EPHA6: variants seen among roughly 807,000 people sequenced by gnomAD.
EPHA6 encodes the protein EPH receptor A6, also known as ephrin type-A receptor 6.
A neutral mutation model predicts 112.0 loss-of-function variants in EPHA6; 50 were observed. That is an observed-to-expected ratio of 0.45 (90% CI 0.36 to 0.56). The LOEUF is 0.56. Among genes scored for constraint, EPHA6 ranks in the 20% least tolerant of loss-of-function variants. EPHA6 has a pLI of 0.00. For synonymous variants in EPHA6, 529 were observed against 490.7 expected, an observed-to-expected ratio of 1.08 and a Z score of -1.03; for missense variants, 1,280 against 1,417.4, an observed-to-expected ratio of 0.90 and a Z score of 1.56.
chr3:97,603,473 A>T lies in EPHA6; in HGVS notation c.2513-7320A>T, dbSNP rs532140249. Among the ~76,000 whole-genome samples the T allele has an allele frequency of 3.9e-5, 6 of 152,076 alleles. No homozygotes were observed. The East Asian group carries it at 7.7e-4, about 20-fold the overall frequency. ...GAAAGTATTTTTTCAGCATTTTTCC[A>T]AGGGTATTTGGCTTACCACTAAATT... On this transcript the variant is annotated intron_variant, in intron 12 of 17. Transcript: ENST00000389672.
chr3:97,678,877 A>G (rs1283894241), intron 14 of EPHA6, among the ~76,000 whole-genome samples: 1 of 152,178 alleles, frequency 6.6e-6, no homozygotes, highest in Non-Finnish European at 1.5e-5. Context: ...TTCTAGATAT[A>G]TGTCTTACAA....
At position 97,696,650 on chromosome 3, in the gene EPHA6, T is replaced by C. The variant is rs576597869; in HGVS notation, c.2785-23611T>C. 3.3e-5 allele frequency among the ~76,000 whole-genome samples: 5 copies of C among 152,300 alleles called. No individual in the cohort carries two copies. The South Asian group carries it at 8.3e-4, about 25-fold the overall frequency. On this transcript the variant is annotated intron_variant, in intron 14 of 17. Coordinates refer to ENST00000389672, the MANE Select transcript of EPHA6 (RefSeq NM_001080448.3). ...TCTTCTGGCACAGAAGAATGTATTC[T>C]TCTAGCAAAAACACAGCTAGATCCT...
intron 8 of EPHA6, 53 bp from the exon 9 acceptor site, chr3:97,479,241 T>C (rs1314165002): frequency 8.8e-7 from 1 of 1,139,184 alleles, no homozygotes; most frequent in East Asian, 2.6e-5. Context: ...TGGTTTTGCA[T>C]TGTATGCATC....
chr3:96,984,742 C>G (rs2042952896), intron 2 of EPHA6, among the ~76,000 whole-genome samples: 4 of 152,218 alleles, frequency 2.6e-5, no homozygotes, highest in Admixed American at 2.6e-4. Flanking sequence ...CTACTCAAGC[C>G]TCAGCAATGG....
In EPHA6 at chr3:97,612,456, G is replaced by A. The variant is rs189000384; in HGVS notation, c.2574+1602G>A. The A allele has an allele frequency of 9.9e-5, 38 of 382,902 alleles. No homozygotes were observed. In the Admixed American group the frequency reaches 1.1e-3, roughly 11 times the overall value. The allele number at this position is 382,902 out of a possible 1,614,324, so 23.7% of individuals were successfully genotyped here. ...AATTGCTGCTAAAAATGGATCAAATGACTACCACAAGCAAATAAGGTGGGA... is the reference window on the plus strand; with the variant it reads ...AATTGCTGCTAAAAATGGATCAAATAACTACCACAAGCAAATAAGGTGGGA... On this transcript the variant is annotated intron_variant, in intron 13 of 17. Coordinates refer to ENST00000389672, the MANE Select transcript of EPHA6 (RefSeq NM_001080448.3).
chr3:97,536,862 C>CA (rs1422452301), intron 11 of EPHA6, among the ~76,000 whole-genome samples: 2 of 151,828 alleles, frequency 1.3e-5, no homozygotes, highest in Non-Finnish European at 2.9e-5. Context: ...CCACCACACA[C>CA]AAAAAAACGA....
At chr3:96,921,159 A>G (rs565308501) in intron 2 of EPHA6, among the ~76,000 whole-genome samples, 3 of 152,142 alleles carry the variant, frequency 2.0e-5, no homozygotes, top group Non-Finnish European at 4.4e-5. Flanking sequence ...CAATTATGGT[A>G]GTGGTATATG....
chr3:97,073,324 C>A (rs766167308), intron 3 of EPHA6, among the ~76,000 whole-genome samples: 2 of 152,014 alleles, frequency 1.3e-5, no homozygotes, highest in Non-Finnish European at 2.9e-5. Flanking sequence ...AAAAGGATTT[C>A]CTTATTAAGC....
rs114132782 is a variant in EPHA6, at chr3:96,854,732, A to G, written c.386-12093A>G. Among the ~76,000 whole-genome samples the G allele has an allele frequency of 2.0e-3, 305 of 152,282 alleles. 1 individual carries two copies. Among genetic ancestry groups the G allele is most frequent in the African/African-American group, 7.0e-3 (291 of 41,570 alleles). On this transcript the variant is annotated intron_variant, in intron 1 of 17. Transcript: ENST00000389672. ...CAGAAAATGGAGAAATCAGATTTTC[A>G]TTTCAGACAGACCACTGAGGCTGCA...
chr3:97,602,368 A>G (rs1286533747), intron 12 of EPHA6, among the ~76,000 whole-genome samples: 1 of 152,054 alleles, frequency 6.6e-6, no homozygotes, highest in East Asian at 1.9e-4. Context: ...TCAATAAAAT[A>G]TCCCAGGGAG....
intron 14 of EPHA6, among the ~76,000 whole-genome samples, chr3:97,641,481 C>T (rs981779401): frequency 6.6e-6 from 1 of 152,130 alleles, no homozygotes; most frequent in African/African-American, 2.4e-5. Context: ...CAGCTCCCAG[C>T]GTGAGCGACG....
At chr3:97,022,967 TAGG>T (rs1393030851) in intron 3 of EPHA6, among the ~76,000 whole-genome samples, 1 of 152,186 alleles carries the variant, frequency 6.6e-6, no homozygotes, top group East Asian at 1.9e-4. Context: ...CTTCATCAAA[TAGG>T]AGGACAAGTT....
intron 3 of EPHA6, among the ~76,000 whole-genome samples, chr3:97,091,859 T>C (rs188911966): frequency 6.6e-4 from 100 of 152,186 alleles, no homozygotes; most frequent in Non-Finnish European, 1.0e-3. Context: ...AATGTAAACC[T>C]TTGAAAAAGA....
intron 5 of EPHA6, among the ~76,000 whole-genome samples, chr3:97,324,443 T>TTC: frequency 6.7e-6 from 1 of 148,410 alleles, no homozygotes. Flanking sequence ...CTTTCTTTCT[T>TTC]TCTTTCTTTC....
intron 2 of EPHA6, among the ~76,000 whole-genome samples, chr3:96,951,443 T>C (rs2041528616): frequency 6.6e-6 from 1 of 152,170 alleles, no homozygotes; most frequent in South Asian, 2.1e-4. Flanking sequence ...CTAAGAGAAT[T>C]CAAGTATTTG....
chr3:97,399,561 T>A (rs1246366817), intron 5 of EPHA6, among the ~76,000 whole-genome samples: 17 of 151,624 alleles, frequency 1.1e-4, no homozygotes, highest in Non-Finnish European at 1.5e-5. Context: ...TGGCAGTGGA[T>A]GAGTTCCATT....
At chr3:97,539,100 C>CT (rs1419201954) in intron 11 of EPHA6, among the ~76,000 whole-genome samples, 1 of 134,656 alleles carries the variant, frequency 7.4e-6, no homozygotes, top group African/African-American at 3.1e-5. Flanking sequence ...TCCTTCCTTC[C>CT]TTCCTTTCTT....
At chr3:97,465,886 G>C (rs992336249) in intron 7 of EPHA6, among the ~76,000 whole-genome samples, 1 of 151,982 alleles carries the variant, frequency 6.6e-6, no homozygotes, top group African/African-American at 2.4e-5. Flanking sequence ...TTTATAATTA[G>C]ATAGGTTTCA....
At chr3:97,664,121 C>A (rs2094189496) in intron 14 of EPHA6, among the ~76,000 whole-genome samples, 1 of 152,184 alleles carries the variant, frequency 6.6e-6, no homozygotes, top group Non-Finnish European at 1.5e-5. Context: ...GTTTTGGCTG[C>A]ATAAATGTCT....
Sources: allele counts gnomAD v4.1 joint callset (sites outside exome capture counted in the v4.1 genomes callset), GRCh38; gene constraint gnomAD v4.1.1; transcripts MANE v1.5; gene names NCBI Gene and HGNC (gene_info 2026-07-23, HGNC 2026-07-21).